HS6ST3: variants seen among roughly 807,000 people sequenced by gnomAD.
HS6ST3 encodes the protein heparan sulfate 6-O-sulfotransferase 3.
HS6ST3 carries 12 observed loss-of-function variants against 36.7 expected under a neutral mutation model. That is an observed-to-expected ratio of 0.33 (90% CI 0.21 to 0.53). The LOEUF (loss-of-function observed/expected upper bound fraction) is 0.53, where lower values mean the gene tolerates loss of function less well. HS6ST3 is among the 20% of genes least tolerant of loss of function. HS6ST3 has a pLI of 0.95. For synonymous variants in HS6ST3, 240 were observed against 257.5 expected, an observed-to-expected ratio of 0.93 and a Z score of 0.65; for missense variants, 584 against 640.9, an observed-to-expected ratio of 0.91 and a Z score of 0.96.
At chr13:96,620,817 G>C (rs1447746539) in intron 1 of HS6ST3, among the ~76,000 whole-genome samples, 2 of 150,272 alleles carry the variant, frequency 1.3e-5, no homozygotes, top group Non-Finnish European at 3.0e-5. Flanking sequence ...TAACATCCTT[G>C]TTATGTCTGA....
intron 1 of HS6ST3, among the ~76,000 whole-genome samples, chr13:96,460,739 A>C (rs2055780068): frequency 6.6e-6 from 1 of 152,146 alleles, no homozygotes. Flanking sequence ...AGCTCAGATG[A>C]CTCTAAATTC....
intron 1 of HS6ST3, among the ~76,000 whole-genome samples, chr13:96,738,360 C>A (rs1272544336): frequency 6.6e-6 from 1 of 151,494 alleles, no homozygotes; most frequent in Non-Finnish European, 1.5e-5. Context: ...GCAGTAACAT[C>A]AAAGAATGTC....
chr13:96,299,044 G>A (rs1378454155), intron 1 of HS6ST3, among the ~76,000 whole-genome samples: 4 of 152,082 alleles, frequency 2.6e-5, no homozygotes, highest in African/African-American at 7.2e-5. Flanking sequence ...GATCTTTTAC[G>A]CTAGGGAAAT....
intron 1 of HS6ST3, among the ~76,000 whole-genome samples, chr13:96,805,987 G>A (rs543521778): frequency 1.4e-4 from 22 of 152,152 alleles, no homozygotes; most frequent in Non-Finnish European, 5.9e-5. Flanking sequence ...GTATCTGGAG[G>A]CGTGGATAGT....
At chr13:96,397,791 T>C (rs986620635) in intron 1 of HS6ST3, among the ~76,000 whole-genome samples, 1 of 152,244 alleles carries the variant, frequency 6.6e-6, no homozygotes, top group Non-Finnish European at 1.5e-5. Flanking sequence ...TATGGCTTAG[T>C]AAGCACTTAC....
intron 1 of HS6ST3, among the ~76,000 whole-genome samples, chr13:96,364,166 A>G (rs2055252341): frequency 6.6e-6 from 1 of 152,170 alleles, no homozygotes; most frequent in Non-Finnish European, 1.5e-5. Flanking sequence ...ATTGAAACCC[A>G]TGTACACTGC....
At chr13:96,508,177 G>A (rs555445368) in intron 1 of HS6ST3, among the ~76,000 whole-genome samples, 3 of 152,000 alleles carry the variant, frequency 2.0e-5, no homozygotes, top group African/African-American at 4.8e-5. Flanking sequence ...CTCAAATTTC[G>A]CAGGGTAATA....
At chr13:96,610,725 G>C (rs1458076780) in intron 1 of HS6ST3, among the ~76,000 whole-genome samples, 6 of 152,040 alleles carry the variant, frequency 3.9e-5, no homozygotes, top group African/African-American at 1.4e-4. Flanking sequence ...CTATACAATT[G>C]ATGTTTTACT....
intron 1 of HS6ST3, among the ~76,000 whole-genome samples, chr13:96,311,615 G>A (rs1003657118): frequency 2.6e-5 from 4 of 152,142 alleles, no homozygotes; most frequent in Non-Finnish European, 5.9e-5. Context: ...TCTTTTTAAG[G>A]TAAACTGGAT....
At chr13:96,485,666 A>G (rs1394877465) in intron 1 of HS6ST3, among the ~76,000 whole-genome samples, 2 of 152,138 alleles carry the variant, frequency 1.3e-5, no homozygotes, top group East Asian at 3.9e-4. Flanking sequence ...AATTAGTGGG[A>G]AAGCTTCAAA....
chr13:96,182,519 TGAAGA>T (rs1251284974), intron 1 of HS6ST3, among the ~76,000 whole-genome samples: 3 of 152,294 alleles, frequency 2.0e-5, no homozygotes, highest in Middle Eastern at 6.8e-3. Context: ...AGAATGTTAA[TGAAGA>T]GGAGTATTGA....
chr13:96,476,424 G>A (rs1253379629), intron 1 of HS6ST3, among the ~76,000 whole-genome samples: 4 of 152,084 alleles, frequency 2.6e-5, no homozygotes, highest in African/African-American at 9.7e-5. Flanking sequence ...GTGCAATGGT[G>A]TGATCTTGGC....
chr13:96,292,835 A>G (rs2054836752), intron 1 of HS6ST3, among the ~76,000 whole-genome samples: 1 of 152,138 alleles, frequency 6.6e-6, no homozygotes, highest in African/African-American at 2.4e-5. Flanking sequence ...AAACAATTTC[A>G]CATTTTACAG....
At chr13:96,391,706 T>A (rs760378109) in intron 1 of HS6ST3, among the ~76,000 whole-genome samples, 10 of 152,140 alleles carry the variant, frequency 6.6e-5, no homozygotes, top group Non-Finnish European at 1.2e-4. Context: ...GGAGCACTTG[T>A]GCAGGGAAAC....
chr13:96,758,147 T>TA (rs1876879451), intron 1 of HS6ST3, among the ~76,000 whole-genome samples: 1 of 151,996 alleles, frequency 6.6e-6, no homozygotes, highest in Non-Finnish European at 1.5e-5. Context: ...TTTTTTTCTA[T>TA]TTTTCTTGTG....
At chr13:96,103,426 ATT>A (rs1244624977) in intron 1 of HS6ST3, among the ~76,000 whole-genome samples, 2 of 152,204 alleles carry the variant, frequency 1.3e-5, no homozygotes, top group Non-Finnish European at 2.9e-5. Context: ...TCTCCTCTGC[ATT>A]ATCAGTGCCT....
chr13:96,640,022 A>G (rs1207886169), intron 1 of HS6ST3, among the ~76,000 whole-genome samples: 3 of 152,126 alleles, frequency 2.0e-5, no homozygotes, highest in East Asian at 3.9e-4. Context: ...TGCAGTGAGC[A>G]TATACATGCA....
At chr13:96,443,397 G>A (rs2055682926) in intron 1 of HS6ST3, among the ~76,000 whole-genome samples, 2 of 151,858 alleles carry the variant, frequency 1.3e-5, no homozygotes, top group Non-Finnish European at 2.9e-5. Flanking sequence ...GGGCATGGTG[G>A]CAAGTGCCTG....
In HS6ST3 at chr13:96,170,933, G is replaced by GCA. The variant is rs1343226446; in HGVS notation, c.707+79376_707+79377dup. ...TTATTTAAAACACACGCGCACGTGC[G>GCA]CACACACACACACGCACGTAGGCCA... On this transcript the variant is annotated intron_variant, in intron 1 of 1. Transcript: ENST00000376705. 1.2e-3 allele frequency among the ~76,000 whole-genome samples: 176 copies of GCA among 151,824 alleles called. 2 individuals are homozygous for GCA. The highest frequency in any genetic ancestry group is 4.0e-3 in the South Asian group (19 of 4,794).
Sources: gnomAD v4.1 joint callset for allele counts (sites outside exome capture counted in the v4.1 genomes callset) on GRCh38, gnomAD v4.1.1 for gene constraint, MANE v1.5 for transcripts, NCBI Gene and HGNC (gene_info 2026-07-23, HGNC 2026-07-21) for gene names.